USP13: variants seen among roughly 807,000 people sequenced by gnomAD.
USP13 encodes ubiquitin specific peptidase 13.
In USP13, 68 loss-of-function variants were observed where a neutral mutation model predicts 107.8. The ratio of observed to expected loss-of-function variants is 0.63; its 90% CI spans 0.52 to 0.77. The LOEUF is 0.77. USP13 is among the 30% of genes least tolerant of loss of function. The pLI, the probability that USP13 is intolerant of heterozygous loss-of-function variation, is 0.00. For missense variants in USP13, 945 were observed against 1,093.3 expected (o/e 0.86, Z 1.91); for synonymous variants, 377 against 389.5 (o/e 0.97, Z 0.38).
At chr3:179,718,858 G>A (rs1292830791) in intron 6 of USP13, among the ~76,000 whole-genome samples, 3 of 151,920 alleles carry the variant, frequency 2.0e-5, no homozygotes, top group Admixed American at 6.6e-5. Context: ...CTGGGTTCAC[G>A]CCATTCTCCT....
Position 179,745,179 on chromosome 3 carries a change from C to T in USP13, c.1671C>T (p.Phe557=), listed in dbSNP as rs751228075. 5 of 1,612,880 alleles carry T rather than the reference C, an allele frequency of 3.1e-6. No homozygotes were observed. Among genetic ancestry groups the T allele is most frequent in the South Asian group, 2.2e-5 (2 of 91,050 alleles). Residue 557 remains phenylalanine (F), a synonymous_variant, in exon 13 of 21, where the codon TTC becomes TTT. Transcript: ENST00000263966. ...CTGAACCAGAAAATGTTGATGATTT[C>T]TGGAGCAGTGCCCTACAAGCAAAGT... ...AFSEPENVDD[F]WSSALQAKSA...
At chr3:179,731,758 G>A (rs1007846432) in intron 10 of USP13, among the ~76,000 whole-genome samples, 4 of 152,128 alleles carry the variant, frequency 2.6e-5, no homozygotes, top group African/African-American at 4.8e-5. Context: ...GTCCTCTCCC[G>A]TTGCCACAGA....
rs1714229988 is a variant in USP13, at chr3:179,742,269, C to G, written c.1453C>G (p.Gln485Glu). Residue 485 changes from glutamine to glutamate, a missense_variant, in exon 12 of 21, where the codon CAG (glutamine) becomes GAG (glutamate). Coordinates refer to ENST00000263966, the MANE Select transcript of USP13 (RefSeq NM_003940.3). The surrounding 1 kb of genome is among the most constrained non-coding windows in gnomAD (Gnocchi z 5.0). Reference protein sequence around the residue: ...FLVEERIQCCQTRKVRYTERV... With the variant: ...FLVEERIQCCETRKVRYTERV... Reference sequence around the variant, plus strand: ...GGTGGAAGAACGCATTCAGTGCTGTCAGACCCGGAAAGTCCGCTACACGGA... The same window carrying G: ...GGTGGAAGAACGCATTCAGTGCTGTGAGACCCGGAAAGTCCGCTACACGGA... 6.2e-7 allele frequency: 1 copy of G among 1,614,116 alleles called. No individual in the cohort carries two copies.
Position 179,754,740 on chromosome 3 carries a change from A to G in USP13, c.1807A>G (p.Ile603Val), listed in dbSNP as rs868002345. The change falls in exon 15 of 21, where the codon ATT becomes GTT. Residue 603 changes from isoleucine (I) to valine (V), a missense_variant. Ile to Val is a conservative substitution (Grantham distance 29, BLOSUM62 3). Coordinates refer to ENST00000263966, the MANE Select transcript of USP13 (RefSeq NM_003940.3). ...TCTCTCTCATTTTGCAGATGTTTCTATTGATATGCCAGACCTACTTGATAT... is the reference window on the plus strand; with the variant it reads ...TCTCTCTCATTTTGCAGATGTTTCTGTTGATATGCCAGACCTACTTGATAT... ...DWVPKKFDVS[I>V]DMPDLLDINH... The G allele has an allele frequency of 3.7e-6, 6 of 1,612,464 alleles. No individual in the cohort carries two copies. Among genetic ancestry groups the G allele is most frequent in the East Asian group, 2.2e-5 (1 of 44,838 alleles).
chr3:179,673,535 C>T (rs1454953255), intron 1 of USP13, among the ~76,000 whole-genome samples: 1 of 152,172 alleles, frequency 6.6e-6, no homozygotes, highest in East Asian at 1.9e-4. Context: ...CTGGGTTTCT[C>T]ATAGCGATAG....
chr3:179,691,641 TAAGAAATATTTTG>T (rs1315415888), intron 3 of USP13, among the ~76,000 whole-genome samples: 1 of 152,176 alleles, frequency 6.6e-6, no homozygotes, highest in Non-Finnish European at 1.5e-5. Flanking sequence ...ATAGTGTAAT[TAAGAAATATTTTG>T]AGAGTGATAC....
chr3:179,685,674 G>A (rs1711845733), intron 2 of USP13, among the ~76,000 whole-genome samples: 1 of 151,012 alleles, frequency 6.6e-6, no homozygotes, highest in South Asian at 2.1e-4. Context: ...CAGAGACTTA[G>A]TAACTTGCTC....
In USP13 at chr3:179,673,378, G is replaced by T. The variant is rs116516833; in HGVS notation, c.169-8500G>T. 3.7e-3 allele frequency among the ~76,000 whole-genome samples: 480 copies of T among 130,400 alleles called. 2 individuals carry two copies. The highest frequency in any genetic ancestry group is 0.014 in the African/African-American group (455 of 33,030). The allele number at this position is 130,400 out of a possible 152,430, so 85.5% of individuals were successfully genotyped here. A position where few individuals can be genotyped will look rare whatever the true frequency, so the allele number is the denominator to read the frequency against. Reference sequence around the variant, plus strand: ...CAGGTACTGTTTTTGGGATTCAGTGGTGAATATGACACAGTTTTCCTGCCC... The same window carrying T: ...CAGGTACTGTTTTTGGGATTCAGTGTTGAATATGACACAGTTTTCCTGCCC... On this transcript the variant is annotated intron_variant, in intron 1 of 20. Coordinates refer to ENST00000263966, the MANE Select transcript of USP13 (RefSeq NM_003940.3).
intron 1 of USP13, among the ~76,000 whole-genome samples, chr3:179,675,189 A>T (rs953928011): frequency 7.2e-5 from 11 of 151,848 alleles, no homozygotes; most frequent in South Asian, 4.2e-4. Context: ...AAAAAAAAAA[A>T]TTTCTTAAGT....
At chr3:179,674,243 T>C (rs1481589485) in intron 1 of USP13, among the ~76,000 whole-genome samples, 3 of 152,212 alleles carry the variant, frequency 2.0e-5, no homozygotes, top group African/African-American at 7.2e-5. Context: ...GCCAAGTGTG[T>C]GACCAGTGGA....
intron 15 of USP13, among the ~76,000 whole-genome samples, chr3:179,756,409 C>CA (rs922916134): frequency 8.7e-6 from 1 of 115,070 alleles, no homozygotes. Context: ...GACCCTGTCT[C>CA]AAAAAAACAA....
rs374354825 is a variant in USP13 at position 179,755,568 on chromosome 3, G to C, written c.1921+714G>C. Among the ~76,000 whole-genome samples the C allele has an allele frequency of 1.1e-3, 161 of 152,358 alleles. 1 individual carries two copies. Among genetic ancestry groups the C allele is most frequent in the African/African-American group, 3.6e-3 (151 of 41,592 alleles). The stretch of plus-strand genomic sequence containing the variant: ...CCGCCTCAGCCTCCCAAAGTGTTGG[G>C]ATTACAGGCGTGAGCCACTGTGCCC... On this transcript the variant is annotated intron_variant, in intron 15 of 20. Transcript: ENST00000263966.
At chr3:179,752,194 G>T in intron 13 of USP13, 91 bp from the exon 14 acceptor site, 1 of 1,124,556 alleles carries the variant, frequency 8.9e-7, no homozygotes, top group Non-Finnish European at 1.3e-6. Flanking sequence ...GAATGGCCAG[G>T]TGTGCCTCAG....
chr3:179,672,396 T>C (rs1223781775), intron 1 of USP13, among the ~76,000 whole-genome samples: 1 of 151,722 alleles, frequency 6.6e-6, no homozygotes, highest in Non-Finnish European at 1.5e-5. Flanking sequence ...TTTTCTTTTT[T>C]TTTTTTTGAG....
At position 179,703,548 on chromosome 3, in the gene USP13, G is replaced by A. The variant is rs149190516; in HGVS notation, c.477+2419G>A. On this transcript the variant is annotated intron_variant, in intron 4 of 20. Coordinates refer to ENST00000263966, the MANE Select transcript of USP13 (RefSeq NM_003940.3). ...CCAATGCCTTCATTTTTGACATCAGGAATTGGAGCAGTGGTGTGCTTGTAA... is the reference window on the plus strand; with the variant it reads ...CCAATGCCTTCATTTTTGACATCAGAAATTGGAGCAGTGGTGTGCTTGTAA... Among the ~76,000 whole-genome samples, 1,323 of 152,288 alleles carry A rather than the reference G, an allele frequency of 8.7e-3. 12 individuals are homozygous for A. The highest frequency in any genetic ancestry group is 0.013 in the Non-Finnish European group (913 of 68,028).
At chr3:179,700,224 A>G (rs757094077) in intron 3 of USP13, among the ~76,000 whole-genome samples, 15 of 152,152 alleles carry the variant, frequency 9.9e-5, no homozygotes, top group Non-Finnish European at 2.2e-4. Flanking sequence ...CATCTTCCTT[A>G]CTGAGAATTC....
At position 179,653,464 on chromosome 3, in the gene USP13, G is replaced by A. The variant is rs555102613; in HGVS notation, c.168+71G>A. The A allele has an allele frequency of 6.6e-6, 10 of 1,511,432 alleles. No individual in the cohort carries two copies. In the Admixed American group the frequency reaches 1.2e-4, roughly 19 times the overall value. 93.6% of individuals were successfully genotyped at this position (1,511,432 alleles called of 1,614,324 possible). A position where few individuals can be genotyped will look rare whatever the true frequency, so the allele number is the denominator to read the frequency against. On this transcript the variant is annotated intron_variant, in intron 1 of 20. Transcript: ENST00000263966. This position sits in a 1 kb window ranked among gnomAD's most constrained non-coding sequence, Gnocchi z 4.0. Reference sequence around the variant, plus strand: ...GGCACGTGAAGCCGGGGGAGAAGATGCGCAGTGGCGGCCGGGACCTCTTCT... The same window carrying A: ...GGCACGTGAAGCCGGGGGAGAAGATACGCAGTGGCGGCCGGGACCTCTTCT...
chr3:179,754,891 C>T (rs766846174), intron 15 of USP13, 37 bp downstream of exon 15: 1 of 1,571,120 alleles, frequency 6.4e-7, no homozygotes, highest in Admixed American at 1.9e-5. Context: ...CGCTACCCTC[C>T]CACCCTGTTC....
chr3:179,781,639 C>T (rs1715751289), intron 19 of USP13, 100 bp from the exon 20 acceptor site: 1 of 963,392 alleles, frequency 1.0e-6, no homozygotes, highest in Non-Finnish European at 1.6e-6. Context: ...CAAATCTAAA[C>T]AGTTGCTGGA....
Sources: gnomAD v4.1 joint callset for allele counts (sites outside exome capture counted in the v4.1 genomes callset) on GRCh38, gnomAD v4.1.1 for gene constraint, Gnocchi (gnomAD v3.1) non-coding constraint, MANE v1.5 for transcripts, NCBI Gene and HGNC (gene_info 2026-07-23, HGNC 2026-07-21) for gene names.